The following PLCL1 variants were observed in gnomAD, a reference collection of about 807,000 sequenced individuals.
PLCL1 encodes the protein phospholipase C like 1 (inactive).
A neutral mutation model predicts 84.4 loss-of-function variants in PLCL1; 41 were observed. The ratio of observed to expected loss-of-function variants is 0.49; its 90% CI spans 0.38 to 0.63. The LOEUF (loss-of-function observed/expected upper bound fraction) is 0.63. Ranked by LOEUF, PLCL1 falls within the 30% of genes least tolerant of loss-of-function variation. The pLI, the probability that PLCL1 is intolerant of heterozygous loss-of-function variation, is 0.00. For missense variants in PLCL1, 1,206 were observed against 1,367.8 expected, an observed-to-expected ratio of 0.88 and a Z score of 1.87; for synonymous variants, 490 against 488.3, an observed-to-expected ratio of 1.00 and a Z score of -0.05.
rs528800989 is a variant in PLCL1, at chr2:198,087,618, T to C, written c.2716-1240T>C. On this transcript the variant is annotated intron_variant, in intron 2 of 5. Coordinates refer to ENST00000428675, the MANE Select transcript of PLCL1 (RefSeq NM_006226.4). ...CTTTAAATCCAGGACTGCCAGTATT[T>C]AATAGAACAACAGGGTGACTATAGT... Among the ~76,000 whole-genome samples the C allele has an allele frequency of 4.6e-5, 7 of 151,858 alleles. No homozygotes were observed. In the East Asian group the frequency reaches 1.4e-3, roughly 29 times the overall value.
chr2:197,822,716 T>C (rs1489587330), intron 1 of PLCL1, among the ~76,000 whole-genome samples: 1 of 152,232 alleles, frequency 6.6e-6, no homozygotes, highest in Non-Finnish European at 1.5e-5. Context: ...TCATTTGAAA[T>C]GGTGTTCCTA....
At chr2:197,890,831 GCA>G (rs1559036613) in intron 1 of PLCL1, among the ~76,000 whole-genome samples, 2 of 24,600 alleles carry the variant, frequency 8.1e-5, no homozygotes, top group Non-Finnish European at 1.5e-4. Flanking sequence ...ATACATATAT[GCA>G]TATATATATG....
At position 198,084,223 on chromosome 2, in the gene PLCL1, C is replaced by A. The variant is rs1692795409; in HGVS notation, c.706C>A (p.Gln236Lys). ...GCCTCTTGATTTTATGGAGGGCAAC[C>A]AGAACACACCACGGTTCATGTGGTT... Reference protein sequence around the residue: ...KQPLDFMEGNQNTPRFMWLKT... With the variant: ...KQPLDFMEGNKNTPRFMWLKT... The change falls in exon 2 of 6, where the codon CAG becomes AAG. Residue 236 changes from glutamine (Q) to lysine (K), a missense_variant. Gln to Lys is a moderately conservative substitution (Grantham distance 53). Transcript: ENST00000428675. The A allele has an allele frequency of 6.2e-7, 1 of 1,613,948 alleles. No homozygotes were observed. The highest frequency in any genetic ancestry group is 1.7e-5 in the Admixed American group (1 of 59,984).
chr2:197,915,535 T>C (rs1427279272), intron 1 of PLCL1, among the ~76,000 whole-genome samples: 2 of 152,120 alleles, frequency 1.3e-5, no homozygotes, highest in African/African-American at 4.8e-5. Context: ...TTTTTTTTTT[T>C]TGAAGTCCGA....
chr2:198,050,110 G>A (rs552750763), intron 1 of PLCL1, among the ~76,000 whole-genome samples: 1 of 152,264 alleles, frequency 6.6e-6, no homozygotes, highest in South Asian at 2.1e-4. Flanking sequence ...TTGGAAGTTG[G>A]CCTCCTGTAG....
At chr2:197,830,309 G>A (rs1691030239) in intron 1 of PLCL1, among the ~76,000 whole-genome samples, 1 of 151,992 alleles carries the variant, frequency 6.6e-6, no homozygotes. Flanking sequence ...AGAATAACCA[G>A]TTTAGAGAAG....
chr2:198,110,916 A>G (rs1693603398), intron 5 of PLCL1, among the ~76,000 whole-genome samples: 1 of 151,856 alleles, frequency 6.6e-6, no homozygotes, highest in African/African-American at 2.4e-5. Context: ...TCAGAAAAAA[A>G]AGTATATTTA....
chr2:198,132,202 C>G (rs1694136453), intron 5 of PLCL1, among the ~76,000 whole-genome samples: 1 of 152,160 alleles, frequency 6.6e-6, no homozygotes. Flanking sequence ...TGCCTGGCAT[C>G]AGGACATCTC....
chr2:197,915,475 G>GT (rs536426008), intron 1 of PLCL1, among the ~76,000 whole-genome samples: 2,495 of 144,922 alleles, frequency 0.017, 61 homozygotes, highest in African/African-American at 0.05. Flanking sequence ...TAAAAGGAGG[G>GT]TTTTTTTTTT....
intron 1 of PLCL1, among the ~76,000 whole-genome samples, chr2:198,068,933 G>A (rs1281669716): frequency 6.6e-6 from 1 of 152,136 alleles, no homozygotes; most frequent in Non-Finnish European, 1.5e-5. Context: ...TACTCAGGAG[G>A]CTGAGGCAGG....
chr2:198,035,878 T>C lies in PLCL1; in HGVS notation c.241-47880T>C, dbSNP rs558645472. ...GGCGAAACCCCATCTCTACTAAAAA[T>C]ACAAAAAAATTAGCCGGGCATGGGG... On this transcript the variant is annotated intron_variant, in intron 1 of 5. Coordinates refer to ENST00000428675, the MANE Select transcript of PLCL1 (RefSeq NM_006226.4). Among the ~76,000 whole-genome samples the C allele has an allele frequency of 2.5e-4, 38 of 152,044 alleles. 1 individual carries two copies. The highest frequency in any genetic ancestry group is 1.0e-3 in the South Asian group (5 of 4,820).
intron 1 of PLCL1, among the ~76,000 whole-genome samples, chr2:197,855,102 G>A (rs535948371): frequency 6.6e-6 from 1 of 152,036 alleles, no homozygotes; most frequent in South Asian, 2.1e-4. Context: ...GTCAGTATAC[G>A]GATTTCCTCA....
chr2:197,966,188 G>A (rs1689729308), intron 1 of PLCL1, among the ~76,000 whole-genome samples: 3 of 151,714 alleles, frequency 2.0e-5, no homozygotes, highest in African/African-American at 7.3e-5. Flanking sequence ...CACTCCTCAA[G>A]CAGAAGGAAG....
At chr2:197,876,603 T>C (rs890841611) in intron 1 of PLCL1, among the ~76,000 whole-genome samples, 1 of 152,120 alleles carries the variant, frequency 6.6e-6, no homozygotes, top group African/African-American at 2.4e-5. Flanking sequence ...CAGGGTCCAG[T>C]TGCATAATAG....
At chr2:198,037,917 C>G (rs1336676861) in intron 1 of PLCL1, among the ~76,000 whole-genome samples, 1 of 152,132 alleles carries the variant, frequency 6.6e-6, no homozygotes, top group Non-Finnish European at 1.5e-5. Context: ...ATTTCTAATA[C>G]AACTTACTTT....
intron 1 of PLCL1, among the ~76,000 whole-genome samples, chr2:197,811,139 T>C (rs1413302080): frequency 2.0e-5 from 3 of 152,246 alleles, no homozygotes; most frequent in African/African-American, 7.2e-5. Flanking sequence ...CATCTCTGTA[T>C]TCTAGTTCCT....
At chr2:197,816,247 T>C (rs1283258045) in intron 1 of PLCL1, among the ~76,000 whole-genome samples, 1 of 152,136 alleles carries the variant, frequency 6.6e-6, no homozygotes, top group Non-Finnish European at 1.5e-5. Context: ...AAAAAGATTA[T>C]GACTGGCTGA....
At chr2:198,092,383 T>C (rs1252023506) in intron 3 of PLCL1, among the ~76,000 whole-genome samples, 1 of 152,188 alleles carries the variant, frequency 6.6e-6, no homozygotes, top group Non-Finnish European at 1.5e-5. Context: ...ATTTATGGGG[T>C]ATGGTGTGAT....
chr2:197,999,265 A>T (rs559930743), intron 1 of PLCL1, among the ~76,000 whole-genome samples: 2 of 152,328 alleles, frequency 1.3e-5, no homozygotes, highest in East Asian at 3.9e-4. Flanking sequence ...TTCTGCATGT[A>T]TAAAATGAAG....
Sources: gnomAD v4.1 joint callset for allele counts (sites outside exome capture counted in the v4.1 genomes callset) on GRCh38, gnomAD v4.1.1 for gene constraint, MANE v1.5 for transcripts, NCBI Gene and HGNC (gene_info 2026-07-23, HGNC 2026-07-21) for gene names.